The following DDC variants were observed in gnomAD, a reference collection of about 807,000 sequenced individuals.
DDC encodes the protein dopa decarboxylase, also known as aromatic-L-amino-acid decarboxylase.
Under a neutral mutation model 60.0 loss-of-function variants are expected in DDC, and 43 were observed. That is an observed-to-expected ratio of 0.72 (90% CI 0.56 to 0.92). The LOEUF (loss-of-function observed/expected upper bound fraction) is 0.92. Ranked by LOEUF, DDC falls within the 40% of genes least tolerant of loss-of-function variation. The pLI is 0.00. For missense variants in DDC, 573 were observed against 620.2 expected (o/e 0.92, Z 0.81); for synonymous variants, 232 against 234.6 (o/e 0.99, Z 0.10).
chr7:50,501,199 C>T (rs575184664), intron 7 of DDC, among the ~76,000 whole-genome samples: 6 of 152,322 alleles, frequency 3.9e-5, no homozygotes, highest in South Asian at 2.1e-4. Context: ...CAGGAACTTG[C>T]GGCAGGCCTG....
Position 50,539,845 on chromosome 7 carries a change from G to T in DDC, c.315+70C>A, listed in dbSNP as rs576719895. 4 of 1,167,646 alleles carry T rather than the reference G, an allele frequency of 3.4e-6. No individual in the cohort carries two copies. In the African/African-American group the frequency reaches 4.6e-5, roughly 13 times the overall value. The allele number at this position is 1,167,646 out of a possible 1,614,324, so 72.3% of individuals were successfully genotyped here. On this transcript the variant is annotated intron_variant, in intron 3 of 14. Coordinates refer to ENST00000444124, the MANE Select transcript of DDC (RefSeq NM_001082971.2). ...CATCTGCTCAGGTCCCTTGTGCATA[G>T]GTACCGTGTCCCCACCCCGGGATCC...
rs2044557132 is a variant in DDC at position 50,539,831 on chromosome 7, G to A, written c.315+84C>T. The A allele has an allele frequency of 8.0e-6, 8 of 1,000,458 alleles. No homozygotes were observed. In the Admixed American group the frequency reaches 1.1e-4, roughly 14 times the overall value. 62.0% of individuals were successfully genotyped at this position (1,000,458 alleles called of 1,614,324 possible). ...ACAGACAGCACCGCCATCTGCTCAG[G>A]TCCCTTGTGCATAGGTACCGTGTCC... On this transcript the variant is annotated intron_variant, in intron 3 of 14. Transcript: ENST00000444124.
chr7:50,495,658 G>A (rs935532530), intron 8 of DDC, among the ~76,000 whole-genome samples: 2 of 152,036 alleles, frequency 1.3e-5, no homozygotes, highest in Admixed American at 6.6e-5. Context: ...TGTATTTAGA[G>A]TTGATTTGTA....
chr7:50,479,944 A>G, intron 9 of DDC, 81 bp from the exon 10 acceptor site: 1 of 1,104,724 alleles, frequency 9.1e-7, no homozygotes, highest in Admixed American at 2.0e-5. Flanking sequence ...CACCTGCCTC[A>G]GCTCAGGCAC....
rs577640288 is a variant in DDC at position 50,493,291 on chromosome 7, C to G, written c.944+2059G>C. 1.4e-3 allele frequency among the ~76,000 whole-genome samples: 218 copies of G among 152,270 alleles called. 2 individuals carry two copies. Among genetic ancestry groups the G allele is most frequent in the Non-Finnish European group, 2.4e-3 (166 of 68,018 alleles). On this transcript the variant is annotated intron_variant, in intron 9 of 14. Transcript: ENST00000444124. ...CCAGGCATTGAGGACGGCCTCAGGG[C>G]GCACGAGAACCCCTCCTCCGGACAG... is the stretch of plus-strand genomic sequence containing the variant.
intron 12 of DDC, among the ~76,000 whole-genome samples, chr7:50,467,733 C>A (rs2042429790): frequency 6.6e-6 from 1 of 152,214 alleles, no homozygotes; most frequent in African/African-American, 2.4e-5. Context: ...CAGAAGATAT[C>A]ATGATTATCC....
In DDC at chr7:50,459,309, A is replaced by G. The variant is rs1384085804; in HGVS notation, c.*19-466T>C. Among the ~76,000 whole-genome samples the G allele has an allele frequency of 2.0e-5, 3 of 151,778 alleles. No homozygotes were observed. The East Asian group carries it at 5.8e-4, about 29-fold the overall frequency. On this transcript the variant is annotated intron_variant, in intron 14 of 14. Transcript: ENST00000444124. ...AGTGGAGTGATCTCGGCTCGCTACA[A>G]CCTCCACCTCCCAGCCGCCTGCCTT...
At chr7:50,506,790 A>C (rs2043410675) in intron 6 of DDC, among the ~76,000 whole-genome samples, 2 of 152,258 alleles carry the variant, frequency 1.3e-5, no homozygotes, top group Admixed American at 1.3e-4. Context: ...CCGGTCTATC[A>C]GGTGCCAACG....
chr7:50,563,884 G>T (rs996992379), intron 1 of DDC: 1 of 152,208 alleles, frequency 6.6e-6, no homozygotes, highest in Non-Finnish European at 1.5e-5. Flanking sequence ...TTACAGGCGT[G>T]AGCCACAGCA....
Position 50,529,248 on chromosome 7 carries a change from G to A in DDC, c.530C>T (p.Ala177Val). 1 of 1,613,886 alleles carries A rather than the reference G, an allele frequency of 6.2e-7. No individual in the cohort carries two copies. The highest frequency in any genetic ancestry group is 8.5e-7 in the Non-Finnish European group (1 of 1,180,038). The change falls in exon 5 of 15, where the codon GCC (alanine) becomes GTC (valine). Residue 177 changes from alanine to valine, a missense_variant. Coordinates refer to ENST00000444124, the MANE Select transcript of DDC (RefSeq NM_001082971.2). ...AGCCACCAGCTTCTCCATGATAGCG[G>A]CCTGTGTGAGCTCTGGGGACGCTGC... ...LQAASPELTQ[A>V]AIMEKLVAYS...
intron 10 of DDC, among the ~76,000 whole-genome samples, chr7:50,479,056 T>A (rs1334556299): frequency 6.6e-6 from 1 of 152,204 alleles, no homozygotes. Flanking sequence ...TTATTTTGGT[T>A]CTAGTTCAAC....
intron 6 of DDC, among the ~76,000 whole-genome samples, chr7:50,515,537 G>A (rs1361374097): frequency 6.6e-6 from 1 of 152,010 alleles, no homozygotes; most frequent in Non-Finnish European, 1.5e-5. Flanking sequence ...AACAAAAAAA[G>A]TACACAGGCA....
chr7:50,468,963 G>A (rs1423453568), intron 12 of DDC, among the ~76,000 whole-genome samples: 3 of 145,948 alleles, frequency 2.1e-5, no homozygotes, highest in African/African-American at 5.1e-5. Context: ...TTGGTGAGAC[G>A]GAGTCTTGCT....
chr7:50,495,503 G>A, intron 8 of DDC, 86 bp from the exon 9 acceptor site: 1 of 1,112,720 alleles, frequency 9.0e-7, no homozygotes, highest in Non-Finnish European at 1.3e-6. Context: ...GATAATAAAA[G>A]TTTATGGCAC....
intron 4 of DDC, among the ~76,000 whole-genome samples, chr7:50,534,612 TA>T (rs55868815): frequency 0.67 from 99,031 of 148,630 alleles, 33,363 homozygotes; most frequent in East Asian, 0.8. Flanking sequence ...CAAGACAAAA[TA>T]AAAAAAAAAA....
At chr7:50,548,344 G>T (rs1163373227) in intron 1 of DDC, among the ~76,000 whole-genome samples, 1 of 152,156 alleles carries the variant, frequency 6.6e-6, no homozygotes, top group East Asian at 1.9e-4. Flanking sequence ...GTTGAGCCAG[G>T]TCAAAAGTGA....
intron 6 of DDC, among the ~76,000 whole-genome samples, chr7:50,526,515 T>A (rs1039216231): frequency 6.6e-6 from 1 of 152,082 alleles, no homozygotes; most frequent in Non-Finnish European, 1.5e-5. Flanking sequence ...AATGGAATAA[T>A]ATGAAATAAT....
At chr7:50,460,514 C>T (rs528403261) in intron 14 of DDC, among the ~76,000 whole-genome samples, 1 of 151,442 alleles carries the variant, frequency 6.6e-6, no homozygotes, top group South Asian at 2.1e-4. Flanking sequence ...AAGTGAGGAG[C>T]CCCTCTGCCC....
chr7:50,487,294 T>A (rs2042906600), intron 9 of DDC, among the ~76,000 whole-genome samples: 2 of 152,120 alleles, frequency 1.3e-5, no homozygotes, highest in South Asian at 4.1e-4. Flanking sequence ...CTCAAAACTG[T>A]CCCCAGTAAT....
Sources: allele counts gnomAD v4.1 joint callset (sites outside exome capture counted in the v4.1 genomes callset), GRCh38; gene constraint gnomAD v4.1.1; transcripts MANE v1.5; gene names NCBI Gene and HGNC (gene_info 2026-07-23, HGNC 2026-07-21).